NUP133: variants seen among roughly 807,000 people sequenced by gnomAD.
The protein encoded by NUP133 is nuclear pore complex protein Nup133.
A neutral mutation model predicts 146.2 loss-of-function variants in NUP133; 66 were observed. That is an observed-to-expected ratio of 0.45 (90% CI 0.37 to 0.55). The LOEUF is 0.55. NUP133 is among the 20% of genes least tolerant of loss of function. The probability of loss-of-function intolerance (pLI) is 0.00; values close to 1 mark genes in which losing one functional copy is unlikely to be tolerated. For synonymous variants in NUP133, 521 were observed against 498.8 expected, an observed-to-expected ratio of 1.04 and a Z score of -0.59; for missense variants, 1,277 against 1,374.8, an observed-to-expected ratio of 0.93 and a Z score of 1.12.
At chr1:229,464,239 TC>T (rs1660759319) in intron 18 of NUP133, among the ~76,000 whole-genome samples, 1 of 152,108 alleles carries the variant, frequency 6.6e-6, no homozygotes, top group East Asian at 1.9e-4. Context: ...AGCAAACTCT[TC>T]CCAGTCCTAG....
At chr1:229,505,955 A>G (rs1661924120) in intron 2 of NUP133, 85 bp downstream of exon 2, 1 of 779,260 alleles carries the variant, frequency 1.3e-6, no homozygotes, top group Non-Finnish European at 2.2e-6. Flanking sequence ...AAGGTATACT[A>G]GAGAAAACAT....
At chr1:229,457,313 C>G (rs1660591891) in intron 21 of NUP133, among the ~76,000 whole-genome samples, 1 of 152,014 alleles carries the variant, frequency 6.6e-6, no homozygotes, top group Non-Finnish European at 1.5e-5. Flanking sequence ...TTCAATAATA[C>G]AGAGTTTTTC....
intron 24 of NUP133, chr1:229,448,683 C>T (rs1181926617): frequency 1.2e-5 from 2 of 166,346 alleles, no homozygotes; most frequent in African/African-American, 2.5e-5. Flanking sequence ...GTTTCTTGCA[C>T]GAGATCCAAG....
At position 229,508,308 on chromosome 1, in the gene NUP133, C is replaced by T. The variant is rs1662001294; in HGVS notation, c.-59G>A. ...ATCTGGCCGTCAGGTTGCAGCCTGGCCTGCGCGCGGAACTTAAACACCTAA... is the reference window on the plus strand; with the variant it reads ...ATCTGGCCGTCAGGTTGCAGCCTGGTCTGCGCGCGGAACTTAAACACCTAA... On this transcript the variant is annotated 5_prime_UTR_variant, in exon 1 of 26. Coordinates refer to ENST00000261396, the MANE Select transcript of NUP133 (RefSeq NM_018230.3). 4 of 1,301,792 alleles carry T rather than the reference C, an allele frequency of 3.1e-6. No homozygotes were observed. Among genetic ancestry groups the T allele is most frequent in the Non-Finnish European group, 4.0e-6 (4 of 995,828 alleles). 80.6% of individuals were successfully genotyped at this position (1,301,792 alleles called of 1,614,324 possible). A position where few individuals can be genotyped will look rare whatever the true frequency, so the allele number is the denominator to read the frequency against.
chr1:229,463,440 C>A, intron 19 of NUP133, 103 bp downstream of exon 19: 1 of 1,249,038 alleles, frequency 8.0e-7, no homozygotes, highest in Non-Finnish European at 1.1e-6. Flanking sequence ...ACAAAAAGAT[C>A]GTATCATATT....
intron 13 of NUP133, 46 bp from the exon 14 acceptor site, chr1:229,475,778 C>T: frequency 6.9e-7 from 1 of 1,446,880 alleles, no homozygotes; most frequent in East Asian, 2.3e-5. Context: ...GGTTTTACAA[C>T]TATACTATTT....
intron 25 of NUP133, among the ~76,000 whole-genome samples, chr1:229,443,264 T>G (rs1216851149): frequency 6.6e-6 from 1 of 151,678 alleles, no homozygotes; most frequent in Non-Finnish European, 1.5e-5. Context: ...GGTCTTGAAC[T>G]CCTGAGCTCA....
rs1661468918 is a variant in NUP133, at chr1:229,490,089, T to C, written c.1060A>G (p.Ile354Val). Residue 354 changes from isoleucine (I) to valine (V), a missense_variant, in exon 9 of 26, where the codon ATT becomes GTT. Ile to Val is a conservative substitution (Grantham distance 29, BLOSUM62 3). This residue lies in a region of NUP133 where 952 missense variants were observed against 1,047.0 expected (regional missense o/e 0.91). Transcript: ENST00000261396. ...DLKQNCDGLV[I>V]LAAAWHSADN... ...GCTGAGTGCCATGCTGCTGCCAAAA[T>C]CACCAGCCCATCACTAATCAATAAA... 1 of 1,586,904 alleles carries C rather than the reference T, an allele frequency of 6.3e-7. No homozygotes were observed. The highest frequency in any genetic ancestry group is 1.7e-5 in the Admixed American group (1 of 58,140).
Position 229,506,133 on chromosome 1 carries a change from G to T in NUP133, c.208C>A (p.His70Asn). The T allele has an allele frequency of 6.2e-7, 1 of 1,611,446 alleles. No individual in the cohort carries two copies. Among genetic ancestry groups the T allele is most frequent in the Admixed American group, 1.7e-5 (1 of 59,964 alleles). The change falls in exon 2 of 26, where the codon CAC becomes AAC. Residue 70 changes from histidine to asparagine, a missense_variant. His to Asn is a moderately conservative substitution (Grantham distance 68). Transcript: ENST00000261396. ...TTCACAGACTCAGTTATGGAGTGGT[G>T]TGGGAACATTCGTGTTGGTGTTCCC... The part of the protein sequence containing the change: ...SRGTPTRMFP[H>N]HSITESVNYD...
intron 24 of NUP133, chr1:229,448,889 A>G (rs1340720373): frequency 3.6e-5 from 18 of 506,558 alleles, no homozygotes; most frequent in Non-Finnish European, 5.9e-5. Flanking sequence ...AATTGGCATC[A>G]AAGTCAGGGG....
chr1:229,452,616 A>G lies in NUP133; in HGVS notation c.3008T>C (p.Leu1003Pro). Reference protein sequence around the residue: ...EEMAEQERFLLHQETLPEQLL... With the variant: ...EEMAEQERFLPHQETLPEQLL... ...CTGTTCAGGTAGGGTCTCCTGATGCAGTAGAAAGCGCTCCTGCTCAGCCAT... is the reference window on the plus strand; with the variant it reads ...CTGTTCAGGTAGGGTCTCCTGATGCGGTAGAAAGCGCTCCTGCTCAGCCAT... Residue 1003 changes from leucine to proline, a missense_variant, in exon 22 of 26, where the codon CTG becomes CCG. Coordinates refer to ENST00000261396, the MANE Select transcript of NUP133 (RefSeq NM_018230.3). 6.2e-7 allele frequency: 1 copy of G among 1,613,168 alleles called. No individual in the cohort carries two copies. Among genetic ancestry groups the G allele is most frequent in the Non-Finnish European group, 8.5e-7 (1 of 1,179,314 alleles).
intron 14 of NUP133, among the ~76,000 whole-genome samples, chr1:229,473,510 C>T (rs572794792): frequency 1.3e-5 from 2 of 152,284 alleles, no homozygotes; most frequent in South Asian, 4.1e-4. Flanking sequence ...GCTCTCATGG[C>T]TTTCGGGCCT....
intron 8 of NUP133, among the ~76,000 whole-genome samples, chr1:229,493,718 G>C (rs1290283176): frequency 6.6e-6 from 1 of 152,196 alleles, no homozygotes; most frequent in Non-Finnish European, 1.5e-5. Context: ...ACCTCACAGG[G>C]ACCCTGCTGG....
chr1:229,495,888 T>C lies in NUP133; in HGVS notation c.975+4A>G. 1 of 1,580,190 alleles carries C rather than the reference T, an allele frequency of 6.3e-7. No individual in the cohort carries two copies. The highest frequency in any genetic ancestry group is 8.6e-7 in the Non-Finnish European group (1 of 1,166,914). On this transcript the variant is annotated splice_donor_region_variant and intron_variant, in intron 7 of 25. Coordinates refer to ENST00000261396, the MANE Select transcript of NUP133 (RefSeq NM_018230.3). ...TTACAGAGATGAATATTATTGTTTC[T>C]TACCCAAATAGCATCGGTAATGTTT...
In NUP133 at chr1:229,498,222, G is replaced by A; in HGVS notation, c.733C>T (p.Leu245=). 6.2e-7 allele frequency: 1 copy of A among 1,612,880 alleles called. No homozygotes were observed. The highest frequency in any genetic ancestry group is 1.7e-4 in the Middle Eastern group (1 of 6,058). ...GAAAGCATGCCTTGCCCCTGAGGCA[G>A]GATATGCTGATGAATCTTTCCTGAG... ...ESSGKIHQHI[L]PQGQGMLSGI... is the part of the protein sequence containing the mutation. Residue 245 remains leucine, a synonymous_variant, in exon 6 of 26, where the codon CTG becomes TTG. Coordinates refer to ENST00000261396, the MANE Select transcript of NUP133 (RefSeq NM_018230.3).
chr1:229,493,607 T>C (rs184915883), intron 8 of NUP133, among the ~76,000 whole-genome samples: 82 of 152,320 alleles, frequency 5.4e-4, no homozygotes, highest in African/African-American at 1.9e-3. Flanking sequence ...TGAGAAATTC[T>C]CTGTACAGTT....
intron 8 of NUP133, among the ~76,000 whole-genome samples, chr1:229,495,109 C>G (rs897295713): frequency 2.0e-5 from 3 of 152,194 alleles, no homozygotes; most frequent in Non-Finnish European, 2.9e-5. Flanking sequence ...AAAGAACAGG[C>G]TGGGCACAGT....
At chr1:229,455,088 G>C (rs139681692) in intron 21 of NUP133, among the ~76,000 whole-genome samples, 1,698 of 152,158 alleles carry the variant, frequency 0.011, 18 homozygotes, top group Middle Eastern at 0.024. Flanking sequence ...AGAAAATATT[G>C]AAATCCCAAT....
At chr1:229,478,938 A>G (rs1661143134) in intron 12 of NUP133, among the ~76,000 whole-genome samples, 1 of 152,184 alleles carries the variant, frequency 6.6e-6, no homozygotes, top group South Asian at 2.1e-4. Context: ...AGAAAGGAAA[A>G]GACAGGAAAG....
Sources: allele counts gnomAD v4.1 joint callset (sites outside exome capture counted in the v4.1 genomes callset), GRCh38; gene constraint gnomAD v4.1.1; regional missense constraint gnomAD v4.1.1; transcripts MANE v1.5; gene names NCBI Gene and HGNC (gene_info 2026-07-23, HGNC 2026-07-21).